The following EPM2A variants were observed in gnomAD, a reference collection of about 807,000 sequenced individuals.
EPM2A encodes the protein laforin.
Under a neutral mutation model 26.5 loss-of-function variants are expected in EPM2A, and 21 were observed. The ratio of observed to expected loss-of-function variants is 0.79; its 90% CI spans 0.56 to 1.14. The LOEUF is 1.14. EPM2A is among the 50% of genes most tolerant of loss of function. The pLI is 0.00. For synonymous variants in EPM2A, 217 were observed against 177.6 expected (o/e 1.22, Z -1.76); for missense variants, 458 against 440.8 (o/e 1.04, Z -0.35).
At chr6:145,728,671 A>C (rs1442980128) in intron 1 of EPM2A, among the ~76,000 whole-genome samples, 1 of 152,228 alleles carries the variant, frequency 6.6e-6, no homozygotes, top group Non-Finnish European at 1.5e-5. Flanking sequence ...TGAAACTGGA[A>C]CTTATACTTA....
chr6:145,524,736 A>G (rs187744894), intron 2 of EPM2A, among the ~76,000 whole-genome samples: 113 of 152,148 alleles, frequency 7.4e-4, no homozygotes, highest in African/African-American at 2.6e-3. Flanking sequence ...TACTCTATTG[A>G]TAGTTACTTT....
intron 4 of EPM2A, among the ~76,000 whole-genome samples, chr6:145,454,974 T>C (rs28409134): frequency 6.6e-6 from 1 of 152,214 alleles, no homozygotes. Context: ...GCAAAAATTG[T>C]ATATATGTGT....
At chr6:145,467,656 A>G (rs1490984281) in intron 4 of EPM2A, among the ~76,000 whole-genome samples, 1 of 152,138 alleles carries the variant, frequency 6.6e-6, no homozygotes, top group African/African-American at 2.4e-5. Flanking sequence ...TTTATATGGG[A>G]TTGCATTAAA....
chr6:145,484,166 G>A (rs925739931), intron 4 of EPM2A, among the ~76,000 whole-genome samples: 2 of 152,162 alleles, frequency 1.3e-5, no homozygotes, highest in East Asian at 1.9e-4. Flanking sequence ...TAGATTTTCT[G>A]CTGTTCTTCT....
chr6:145,564,917 TG>T (rs1780862531), intron 2 of EPM2A, among the ~76,000 whole-genome samples: 1 of 152,152 alleles, frequency 6.6e-6, no homozygotes, highest in Non-Finnish European at 1.5e-5. Flanking sequence ...TGCTTATTTC[TG>T]TTTGTACCAC....
At chr6:145,525,027 T>C (rs998182602) in intron 2 of EPM2A, among the ~76,000 whole-genome samples, 3 of 152,122 alleles carry the variant, frequency 2.0e-5, no homozygotes, top group African/African-American at 7.2e-5. Context: ...GAATAGGGAA[T>C]CTTTTCCCCA....
chr6:145,457,493 A>G (rs995696960), intron 4 of EPM2A, among the ~76,000 whole-genome samples: 19 of 151,856 alleles, frequency 1.3e-4, no homozygotes, highest in African/African-American at 4.6e-4. Flanking sequence ...AAAAAAAAAA[A>G]AAAAAGAAAA....
At chr6:145,567,015 C>T (rs1197276015) in intron 2 of EPM2A, among the ~76,000 whole-genome samples, 1 of 152,080 alleles carries the variant, frequency 6.6e-6, no homozygotes, top group East Asian at 1.9e-4. Context: ...GCCATAAACC[C>T]GTCATTTATG....
chr6:145,491,619 A>G (rs1779756810), intron 4 of EPM2A: 1 of 359,816 alleles, frequency 2.8e-6, no homozygotes, highest in South Asian at 2.2e-5. Flanking sequence ...TTTGGAAATG[A>G]CATTCGAGTG....
chr6:145,390,234 A>G (rs888588218), intron 4 of EPM2A, among the ~76,000 whole-genome samples: 3 of 152,040 alleles, frequency 2.0e-5, no homozygotes, highest in Admixed American at 6.6e-5. Context: ...AAGACCTTCA[A>G]CTGACTGGAT....
intron 1 of EPM2A, among the ~76,000 whole-genome samples, chr6:145,711,733 A>G (rs896099182): frequency 5.3e-5 from 8 of 152,170 alleles, no homozygotes; most frequent in Admixed American, 2.0e-4. Flanking sequence ...TGTTTTTTAG[A>G]AAAGTTGATA....
At chr6:145,732,584 T>C (rs934513674) in intron 1 of EPM2A, among the ~76,000 whole-genome samples, 5 of 152,082 alleles carry the variant, frequency 3.3e-5, no homozygotes, top group Non-Finnish European at 1.5e-5. Flanking sequence ...AACTCTTCTG[T>C]TAAAAAAATT....
chr6:145,651,837 T>G (rs765317925), intron 2 of EPM2A, among the ~76,000 whole-genome samples: 110 of 152,302 alleles, frequency 7.2e-4, no homozygotes, highest in Middle Eastern at 3.4e-3. Flanking sequence ...TGGGATTCTG[T>G]TATTTTATTA....
chr6:145,515,859 A>G (rs1215100666), intron 2 of EPM2A, among the ~76,000 whole-genome samples: 2 of 152,180 alleles, frequency 1.3e-5, no homozygotes, highest in African/African-American at 2.4e-5. Context: ...CAAACCATGC[A>G]TTTGTACAGT....
chr6:145,704,212 G>T (rs1221891085), intron 1 of EPM2A, among the ~76,000 whole-genome samples: 4 of 152,132 alleles, frequency 2.6e-5, no homozygotes, highest in African/African-American at 7.2e-5. Context: ...AATGGTAGTG[G>T]TTTATCTGAA....
intron 4 of EPM2A, among the ~76,000 whole-genome samples, chr6:145,385,745 C>T (rs1235066330): frequency 1.3e-5 from 2 of 152,146 alleles, no homozygotes; most frequent in Non-Finnish European, 2.9e-5. Context: ...TTTCCCATTT[C>T]ACACTCTTTA....
downstream of EPM2A, among the ~76,000 whole-genome samples, chr6:145,624,297 C>T (rs532638044): frequency 5.9e-5 from 9 of 152,306 alleles, no homozygotes; most frequent in Admixed American, 5.2e-4. Context: ...TCTACAGTCA[C>T]ACCTTCTCGC....
At chr6:145,695,558 T>C (rs1431773665) in intron 1 of EPM2A, among the ~76,000 whole-genome samples, 2 of 152,032 alleles carry the variant, frequency 1.3e-5, no homozygotes, top group Non-Finnish European at 2.9e-5. Context: ...ATACTCACTT[T>C]ACTTGTAAGA....
chr6:145,648,832 T>G (rs1777672476), intron 2 of EPM2A, among the ~76,000 whole-genome samples: 1 of 152,184 alleles, frequency 6.6e-6, no homozygotes, highest in African/African-American at 2.4e-5. Context: ...ATCAGAATTT[T>G]AAAAGTGAAA....
Sources: gnomAD v4.1 joint callset for allele counts (sites outside exome capture counted in the v4.1 genomes callset) on GRCh38, gnomAD v4.1.1 for gene constraint, MANE v1.5 for transcripts, NCBI Gene and HGNC (gene_info 2026-07-23, HGNC 2026-07-21) for gene names.